Variants in SLC2A9 observed in about 807,000 individuals in gnomAD.
SLC2A9 encodes the protein solute carrier family 2 member 9, also known as solute carrier family 2, facilitated glucose transporter member 9.
A neutral mutation model predicts 50.6 loss-of-function variants in SLC2A9; 39 were observed. The observed-to-expected ratio is 0.77, with a 90% CI of 0.60 to 1.01. SLC2A9 has a LOEUF of 1.01. SLC2A9 is among the 50% of genes least tolerant of loss of function. The probability of loss-of-function intolerance (pLI) is 0.00; values close to 1 mark genes in which losing one functional copy is unlikely to be tolerated. For missense variants in SLC2A9, 686 were observed against 677.6 expected, an observed-to-expected ratio of 1.01 and a Z score of -0.14; for synonymous variants, 324 against 276.9, an observed-to-expected ratio of 1.17 and a Z score of -1.69.
intron 8 of SLC2A9, among the ~76,000 whole-genome samples, chr4:9,903,279 C>G (rs1013807244): frequency 6.6e-6 from 1 of 150,600 alleles, no homozygotes; most frequent in African/African-American, 2.4e-5. Flanking sequence ...TTTTTTACTA[C>G]AAGTCAAGAG....
intron 5 of SLC2A9, among the ~76,000 whole-genome samples, chr4:9,952,713 T>C (rs1750542629): frequency 1.3e-5 from 2 of 152,072 alleles, no homozygotes; most frequent in South Asian, 2.1e-4. Flanking sequence ...TTTGTAGAGA[T>C]GGGATTTCAC....
chr4:10,004,010 T>C (rs746603352), intron 2 of SLC2A9, among the ~76,000 whole-genome samples: 3 of 152,230 alleles, frequency 2.0e-5, no homozygotes, highest in Non-Finnish European at 4.4e-5. Context: ...TGGCATGCGA[T>C]GTCACCAGGA....
At chr4:9,879,372 T>C in intron 10 of SLC2A9, 1 of 974,994 alleles carries the variant, frequency 1.0e-6, no homozygotes, top group Non-Finnish European at 1.2e-6. Flanking sequence ...GTGTGTGTAT[T>C]TATGTGTGTA....
At chr4:9,802,559 C>CTTTTTTTTTT (rs1238703528) in intron 3 of SLC2A9, among the ~76,000 whole-genome samples, 1 of 127,036 alleles carries the variant, frequency 7.9e-6, no homozygotes, top group Non-Finnish European at 1.6e-5. Context: ...TTGTTCTTTT[C>CTTTTTTTTTT]TTTTTTTTTT....
downstream of SLC2A9, among the ~76,000 whole-genome samples, chr4:9,797,396 G>T (rs1720720387): frequency 1.3e-5 from 2 of 152,202 alleles, no homozygotes; most frequent in Non-Finnish European, 2.9e-5. Flanking sequence ...CCAGGGTTCT[G>T]TTCTTTGCAT....
At chr4:10,018,589 T>TAGATAGATAGATAGATAGACAAAC (rs1553915108) in intron 2 of SLC2A9, among the ~76,000 whole-genome samples, 260 of 151,108 alleles carry the variant, frequency 1.7e-3, no homozygotes, top group African/African-American at 5.9e-3. Flanking sequence ...GATAGATAGA[T>TAGATAGATAGATAGATAGACAAAC]AACAACAACA....
intron 6 of SLC2A9, among the ~76,000 whole-genome samples, chr4:9,933,120 G>T (rs737267): frequency 0.33 from 49,805 of 152,106 alleles, 9,508 homozygotes; most frequent in African/African-American, 0.51. Context: ...ATCAAAACTG[G>T]CTCTGTAAGA....
chr4:9,952,069 G>A (rs890227133), intron 5 of SLC2A9, among the ~76,000 whole-genome samples: 1 of 152,156 alleles, frequency 6.6e-6, no homozygotes, highest in African/African-American at 2.4e-5. Flanking sequence ...CTGAACCCTG[G>A]TCCTGCCACT....
intron 7 of SLC2A9, among the ~76,000 whole-genome samples, chr4:9,909,818 G>A (rs1414167611): frequency 6.6e-6 from 1 of 152,212 alleles, no homozygotes; most frequent in African/African-American, 2.4e-5. Context: ...TGCATTAAAG[G>A]ACCTTATGAA....
At chr4:9,834,380 G>A (rs992056190) in intron 11 of SLC2A9, among the ~76,000 whole-genome samples, 1 of 152,058 alleles carries the variant, frequency 6.6e-6, no homozygotes, top group Non-Finnish European at 1.5e-5. Flanking sequence ...CCAATGAACA[G>A]ATCCTTTCCC....
At chr4:9,912,734 C>T (rs893845445) in intron 7 of SLC2A9, among the ~76,000 whole-genome samples, 1 of 152,134 alleles carries the variant, frequency 6.6e-6, no homozygotes, top group Non-Finnish European at 1.5e-5. Flanking sequence ...AACAACAGCC[C>T]CCCGCTCTCA....
At chr4:9,877,960 G>A (rs546991298) in intron 10 of SLC2A9, among the ~76,000 whole-genome samples, 4 of 152,108 alleles carry the variant, frequency 2.6e-5, no homozygotes, top group African/African-American at 9.6e-5. Flanking sequence ...GGGGTCAGCC[G>A]GGGCCAGCAG....
At chr4:10,031,642 T>C (rs932092438) in intron 1 of SLC2A9, among the ~76,000 whole-genome samples, 5 of 152,222 alleles carry the variant, frequency 3.3e-5, no homozygotes, top group African/African-American at 1.2e-4. Flanking sequence ...AAAGAGTGAA[T>C]GTTTCTGCTT....
At chr4:9,828,508 G>A (rs1213622465) in intron 11 of SLC2A9, among the ~76,000 whole-genome samples, 1 of 152,148 alleles carries the variant, frequency 6.6e-6, no homozygotes, top group African/African-American at 2.4e-5. Flanking sequence ...CAAGGCCACC[G>A]ACCATGTGTC....
chr4:9,914,773 G>A (rs1742545831), intron 7 of SLC2A9, among the ~76,000 whole-genome samples: 1 of 151,974 alleles, frequency 6.6e-6, no homozygotes, highest in African/African-American at 2.4e-5. Context: ...GAGCACATGT[G>A]AGCATGAAAC....
chr4:9,964,570 A>G lies in SLC2A9; in HGVS notation c.681+16022T>C, dbSNP rs552308488. ...TAGGATTTACAGGTCAGTGGAGGATAAGGACGATGTTGCTGGGTGGCTGGG... is the reference window on the plus strand; with the variant it reads ...TAGGATTTACAGGTCAGTGGAGGATGAGGACGATGTTGCTGGGTGGCTGGG... On this transcript the variant is annotated intron_variant, in intron 5 of 11. Coordinates refer to ENST00000264784, the MANE Select transcript of SLC2A9 (RefSeq NM_020041.3). Among the ~76,000 whole-genome samples the G allele has an allele frequency of 2.0e-5, 3 of 152,332 alleles. No individual in the cohort carries two copies. The East Asian group carries it at 5.8e-4, about 29-fold the overall frequency.
intron 2 of SLC2A9, among the ~76,000 whole-genome samples, chr4:10,012,790 T>C (rs889384196): frequency 1.3e-5 from 2 of 151,912 alleles, no homozygotes; most frequent in African/African-American, 4.8e-5. Context: ...GAGAAGTTTG[T>C]GTAAATGGAG....
In SLC2A9 at chr4:9,908,324, T is replaced by C; in HGVS notation, c.1024A>G (p.Ile342Val). The C allele has an allele frequency of 2.5e-6, 4 of 1,613,392 alleles. No individual in the cohort carries two copies. Among genetic ancestry groups the C allele is most frequent in the Non-Finnish European group, 3.4e-6 (4 of 1,179,310 alleles). ...LNAIWFYTNS[I>V]FGKAGIPPAK... Reference sequence around the variant, plus strand: ...GGAGGGATCCCAGCTTTTCCAAAGATGCTGTTGGTATAGAACCAAATCTGT... The same window carrying C: ...GGAGGGATCCCAGCTTTTCCAAAGACGCTGTTGGTATAGAACCAAATCTGT... Residue 342 changes from isoleucine to valine, a missense_variant, in exon 8 of 12, where the codon ATC (isoleucine) becomes GTC (valine). Transcript: ENST00000264784.
At chr4:9,843,508 G>A (rs2109239510) in intron 10 of SLC2A9, among the ~76,000 whole-genome samples, 1 of 152,120 alleles carries the variant, frequency 6.6e-6, no homozygotes, top group African/African-American at 2.4e-5. Context: ...AGGGGCCTGG[G>A]TGGGGGTCTG....
Sources: allele counts gnomAD v4.1 joint callset (sites outside exome capture counted in the v4.1 genomes callset), GRCh38; gene constraint gnomAD v4.1.1; transcripts MANE v1.5; gene names NCBI Gene and HGNC (gene_info 2026-07-23, HGNC 2026-07-21).